CACNB1: variants seen among roughly 807,000 people sequenced by gnomAD.
The protein encoded by CACNB1 is voltage-dependent L-type calcium channel subunit beta-1.
CACNB1 carries 29 observed loss-of-function variants against 71.6 expected under a neutral mutation model. The ratio of observed to expected loss-of-function variants is 0.40; its 90% CI spans 0.30 to 0.55. CACNB1 has a LOEUF of 0.55. Among genes scored for constraint, CACNB1 ranks in the 20% least tolerant of loss-of-function variants. The pLI is 0.38. For missense variants in CACNB1, 623 were observed against 801.8 expected (o/e 0.78, Z 2.69); for synonymous variants, 300 against 319.6 (o/e 0.94, Z 0.65).
intron 6 of CACNB1, 33 bp from the exon 7 acceptor site, chr17:39,185,183 GGAGGAGA>G: frequency 1.3e-6 from 2 of 1,598,824 alleles, no homozygotes; most frequent in Non-Finnish European, 1.7e-6. Flanking sequence ...GAGGGAAGGG[GGAGGAGA>G]GAGGGAAGGG....
At chr17:39,176,547 TC>T (rs1337197036) in intron 13 of CACNB1, among the ~76,000 whole-genome samples, 1 of 152,158 alleles carries the variant, frequency 6.6e-6, no homozygotes, top group Non-Finnish European at 1.5e-5. Flanking sequence ...TTCCCCTGGC[TC>T]CCTCAGGGCA....
At position 39,191,492 on chromosome 17, in the gene CACNB1, C is replaced by T. The variant is rs142968664; in HGVS notation, c.273G>A (p.Ala91=). 27 of 1,606,690 alleles carry T rather than the reference C, an allele frequency of 1.7e-5. No homozygotes were observed. In the African/African-American group the frequency reaches 2.0e-4, roughly 12 times the overall value. ...LRKEAERQAL[A]QLEKAKTKPV... ...TTCTCACCTTGGCCTTCTCGAGCTG[C>T]GCTAATGCCTGGCGCTCTGCTTCCT... The change falls in exon 3 of 14, where the codon GCG becomes GCA. Residue 91 remains alanine (A), a synonymous_variant. Coordinates refer to ENST00000394303, the MANE Select transcript of CACNB1 (RefSeq NM_000723.5).
At chr17:39,192,216 C>G (rs559292940) in intron 2 of CACNB1, 1 of 154,004 alleles carries the variant, frequency 6.5e-6, no homozygotes, top group Admixed American at 6.5e-5. Flanking sequence ...ACAAGAGAAC[C>G]CAAGAGTTCC....
intron 2 of CACNB1, chr17:39,193,581 T>C: frequency 2.7e-6 from 1 of 372,566 alleles, no homozygotes; most frequent in South Asian, 1.9e-5. Flanking sequence ...ATGTGCAGAC[T>C]GCTAGGGTAT....
chr17:39,181,365 A>G (rs1056898720), intron 11 of CACNB1, among the ~76,000 whole-genome samples: 2 of 152,174 alleles, frequency 1.3e-5, no homozygotes, highest in Admixed American at 1.3e-4. Flanking sequence ...AGGTGCTGAG[A>G]TTACAGGTGT....
chr17:39,186,576 T>C lies in CACNB1; in HGVS notation c.552-4A>G, dbSNP rs1042921231. On this transcript the variant is annotated splice_polypyrimidine_tract_variant and splice_region_variant and intron_variant, in intron 5 of 13. Coordinates refer to ENST00000394303, the MANE Select transcript of CACNB1 (RefSeq NM_000723.5). This position sits in a 1 kb window ranked among gnomAD's most constrained non-coding sequence, Gnocchi z 4.1. The stretch of plus-strand genomic sequence containing the variant: ...ACTGGAGTTATCGCCTGATTTGCTG[T>C]GTGGGCAGAGGCAAACCGAGCTTGT... 6 of 1,613,078 alleles carry C rather than the reference T, an allele frequency of 3.7e-6. No individual in the cohort carries two copies. Among genetic ancestry groups the C allele is most frequent in the South Asian group, 2.2e-5 (2 of 90,946 alleles).
intron 11 of CACNB1, among the ~76,000 whole-genome samples, chr17:39,182,165 GAA>G (rs755387191): frequency 1.0e-5 from 1 of 98,160 alleles, no homozygotes. Flanking sequence ...TTCTCAAAAA[GAA>G]AAAAAAAAAA....
chr17:39,184,000 G>C (rs759717309), intron 10 of CACNB1, 31 bp downstream of exon 10: 7 of 1,561,896 alleles, frequency 4.5e-6, no homozygotes, highest in African/African-American at 4.1e-5. Context: ...GGCCCAGAAA[G>C]GGGGAGTGAA....
rs2045613312 is a variant in CACNB1, at chr17:39,177,452, C to T, written c.1230G>A (p.Lys410=). 1 of 1,613,570 alleles carries T rather than the reference C, an allele frequency of 6.2e-7. No individual in the cohort carries two copies. The highest frequency in any genetic ancestry group is 8.5e-7 in the Non-Finnish European group (1 of 1,179,580). Residue 410 remains lysine, a synonymous_variant, in exon 13 of 14, where the codon AAG becomes AAA. Transcript: ENST00000394303. Reference sequence around the variant, plus strand: ...GCGTGCTGCTGGGCGGGTGTGTGGCCTTCCAATAGGCTTCCAAGTACTCCG... The same window carrying T: ...GCGTGCTGCTGGGCGGGTGTGTGGCTTTCCAATAGGCTTCCAAGTACTCCG... ...HLAEYLEAYW[K]ATHPPSSTPP...
Position 39,194,875 on chromosome 17 carries a change from C to G in CACNB1, c.171+9G>C. On this transcript the variant is annotated intron_variant, in intron 2 of 13. Transcript: ENST00000394303. The surrounding 1 kb of genome is among the most constrained non-coding windows in gnomAD (Gnocchi z 4.6). ...CACCTCCCTCCTCTCCGCCCAGCCT[C>G]CCCATTACCTGGCGGACAAAGCTGT... 1 of 1,597,748 alleles carries G rather than the reference C, an allele frequency of 6.3e-7. No individual in the cohort carries two copies. The highest frequency in any genetic ancestry group is 1.1e-5 in the South Asian group (1 of 90,220).
intron 1 of CACNB1, among the ~76,000 whole-genome samples, 184 bp downstream of exon 1, chr17:39,197,228 A>G (rs2046219664): frequency 7.2e-6 from 1 of 138,248 alleles, no homozygotes; most frequent in South Asian, 2.6e-4. Context: ...GCTCCGCAGC[A>G]TCGCCACCCA....
rs1366094448 is a variant in CACNB1 at position 39,184,832 on chromosome 17, A to AGGGG, written c.680_681insCCCC (p.Ser228ProfsTer28). 6.2e-7 allele frequency: 1 copy of AGGGG among 1,602,252 alleles called. No homozygotes were observed. The highest frequency in any genetic ancestry group is 8.5e-7 in the Non-Finnish European group (1 of 1,171,650). On this transcript the variant is annotated frameshift_variant, in exon 8 of 14. Transcript: ENST00000394303. LOFTEE classifies it high-confidence loss of function. ...CCACCAGGATGATGGGCCTCATGGA[A>AGGGG]GGCACCACGTCATAGGGGGGCACAT... is the stretch of plus-strand genomic sequence containing the variant.
chr17:39,194,712 C>A lies in CACNB1; in HGVS notation c.171+172G>T, dbSNP rs1351530017. On this transcript the variant is annotated intron_variant, in intron 2 of 13. Coordinates refer to ENST00000394303, the MANE Select transcript of CACNB1 (RefSeq NM_000723.5). The surrounding 1 kb of genome is among the most constrained non-coding windows in gnomAD (Gnocchi z 4.6). ...GGGCGGGGGCTGAGCGAGTGGGTGC[C>A]GCTGACAGCACATCCAGAAGAGGTC... is the stretch of plus-strand genomic sequence containing the variant. Among the ~76,000 whole-genome samples, 3 of 152,012 alleles carry A rather than the reference C, an allele frequency of 2.0e-5. No homozygotes were observed. The highest frequency in any genetic ancestry group is 6.6e-5 in the Admixed American group (1 of 15,262).
intron 7 of CACNB1, 130 bp from the exon 8 acceptor site, chr17:39,184,994 G>A (rs555882549): frequency 2.1e-6 from 2 of 971,648 alleles, no homozygotes; most frequent in Middle Eastern, 2.1e-4. Context: ...GGATCAGGGT[G>A]GGGGTGGGGA....
Position 39,186,002 on chromosome 17 carries a change from C to A in CACNB1, c.628+494G>T. 1.9e-6 allele frequency: 3 copies of A among 1,613,858 alleles called. No homozygotes were observed. The highest frequency in any genetic ancestry group is 2.5e-6 in the Non-Finnish European group (3 of 1,179,962). Reference sequence around the variant, plus strand: ...ATGGGGTGGCGGGGTGGTGACACTGCTAACACTAGTCTTGGCAGAGCCACT... The same window carrying A: ...ATGGGGTGGCGGGGTGGTGACACTGATAACACTAGTCTTGGCAGAGCCACT... On this transcript the variant is annotated intron_variant, in intron 6 of 13. Transcript: ENST00000394303. The surrounding 1 kb of genome is among the most constrained non-coding windows in gnomAD (Gnocchi z 4.1).
At chr17:39,193,870 A>C (rs987222142) in intron 2 of CACNB1, 2 of 158,598 alleles carry the variant, frequency 1.3e-5, no homozygotes, top group African/African-American at 4.8e-5. Context: ...AAAAGGCTAG[A>C]ATGAAGCCTC....
In CACNB1 at chr17:39,173,549, T is replaced by C. The variant is rs2045510740; in HGVS notation, c.*1644A>G. 1 of 151,734 alleles carries C rather than the reference T, an allele frequency of 6.6e-6. No homozygotes were observed. The highest frequency in any genetic ancestry group is 1.5e-5 in the Non-Finnish European group (1 of 67,910). 9.4% of individuals were successfully genotyped at this position (151,734 alleles called of 1,614,324 possible). A position where few individuals can be genotyped will look rare whatever the true frequency, so the allele number is the denominator to read the frequency against. The stretch of plus-strand genomic sequence containing the variant: ...AGCTTCCCATTGCCTTTGGCTCTAC[T>C]TGTGGAGAGACAGGTAAGTGAAGGG... On this transcript the variant is annotated 3_prime_UTR_variant, in exon 14 of 14. Transcript: ENST00000394303.
chr17:39,196,321 C>T (rs1316346296), intron 1 of CACNB1, among the ~76,000 whole-genome samples: 2 of 152,108 alleles, frequency 1.3e-5, no homozygotes, highest in African/African-American at 2.4e-5. Context: ...CCCAGTGAAT[C>T]CCAGACACCA....
intron 3 of CACNB1, among the ~76,000 whole-genome samples, chr17:39,190,693 G>A (rs991023409): frequency 1.1e-4 from 16 of 151,636 alleles, no homozygotes; most frequent in African/African-American, 3.9e-4. Context: ...CTCCCAAAGT[G>A]CTGGGATTAC....
Sources: gnomAD v4.1 joint callset for allele counts (sites outside exome capture counted in the v4.1 genomes callset) on GRCh38, gnomAD v4.1.1 for gene constraint, Gnocchi (gnomAD v3.1) non-coding constraint, MANE v1.5 for transcripts, NCBI Gene and HGNC (gene_info 2026-07-23, HGNC 2026-07-21) for gene names.